The following PTBP3 variants were observed in gnomAD, a reference collection of about 807,000 sequenced individuals.
The protein encoded by PTBP3 is polypyrimidine tract-binding protein 3.
In PTBP3, 20 loss-of-function variants were observed where a neutral mutation model predicts 58.7. That is an observed-to-expected ratio of 0.34 (90% CI 0.24 to 0.50). PTBP3 has a LOEUF of 0.50. PTBP3 is among the 20% of genes least tolerant of loss of function. The pLI is 0.98. For missense variants in PTBP3, 509 were observed against 637.2 expected, an observed-to-expected ratio of 0.80 and a Z score of 2.17; for synonymous variants, 185 against 219.8, an observed-to-expected ratio of 0.84 and a Z score of 1.40.
chr9:112,361,624 T>C, the PTBP3 span, among the ~76,000 whole-genome samples: 3 of 152,246 alleles, frequency 2.0e-5, no homozygotes, highest in Admixed American at 6.5e-5. Context: ...TCAATTATTA[T>C]ATCACAATAT....
the PTBP3 span, among the ~76,000 whole-genome samples, chr9:112,348,183 G>A: frequency 6.6e-6 from 1 of 152,224 alleles, no homozygotes; most frequent in Non-Finnish European, 1.5e-5. Flanking sequence ...AGGCAGGCAT[G>A]AGCAGGGCAG....
chr9:112,228,555 C>G, intron 10 of PTBP3, 83 bp from the exon 11 acceptor site: 1 of 656,434 alleles, frequency 1.5e-6, no homozygotes, highest in Non-Finnish European at 2.2e-6. Context: ...TTAAAGAAGG[C>G]ATTTCTTACT....
chr9:112,378,958 G>A, the PTBP3 span, among the ~76,000 whole-genome samples: 1 of 152,154 alleles, frequency 6.6e-6, no homozygotes, highest in South Asian at 2.1e-4. Context: ...AGGCCGAGGC[G>A]GGCCAATCAT....
In PTBP3 at chr9:112,280,001, C is replaced by T. The variant is rs200213550; in HGVS notation, c.35-3988G>A. Among the ~76,000 whole-genome samples, 45 of 152,242 alleles carry T rather than the reference C, an allele frequency of 3.0e-4. 1 individual carries two copies. In the East Asian group the frequency reaches 7.3e-3, roughly 25 times the overall value. ...CTTGATCTTATATCCTACACCCTTG[C>T]TAAATTCTTTAGTATTTCTACATAC... On this transcript the variant is annotated intron_variant, in intron 2 of 13. Transcript: ENST00000374257.
At chr9:112,333,344 G>A (rs1830462197) in intron 1 of PTBP3, 126 bp downstream of exon 1, 7 of 1,173,022 alleles carry the variant, frequency 6.0e-6, no homozygotes, top group Non-Finnish European at 6.6e-6. Flanking sequence ...GTCGGGCTTG[G>A]CCGGGGCCGC....
At chr9:112,320,314 A>ATATATATATTTTTTT in intron 1 of PTBP3, among the ~76,000 whole-genome samples, 47 of 75,692 alleles carry the variant, frequency 6.2e-4, no homozygotes, top group Non-Finnish European at 8.5e-4. Context: ...ATATATATAT[A>ATATATATATTTTTTT]TTTTTTTTTA....
At chr9:112,322,705 C>T (rs1000115715) in intron 1 of PTBP3, among the ~76,000 whole-genome samples, 6 of 152,210 alleles carry the variant, frequency 3.9e-5, no homozygotes, top group Non-Finnish European at 5.9e-5. Context: ...AGAGACAAAA[C>T]AAGCATCAGG....
In PTBP3 at chr9:112,250,911, C is replaced by CA. The variant is rs765754133; in HGVS notation, c.802+17dup. The CA allele has an allele frequency of 2.0e-6, 3 of 1,474,842 alleles. No homozygotes were observed. Among genetic ancestry groups the CA allele is most frequent in the Admixed American group, 4.8e-5 (2 of 41,522 alleles). 91.4% of individuals were successfully genotyped at this position (1,474,842 alleles called of 1,614,324 possible). A position where few individuals can be genotyped will look rare whatever the true frequency, so the allele number is the denominator to read the frequency against. ...ACTTCAGAAAACTTGCTTTGTGACC[C>CA]AAAAAAGAACTACTCACCAAAAGCA... On this transcript the variant is annotated intron_variant, in intron 7 of 13. Transcript: ENST00000374257.
Position 112,262,599 on chromosome 9 carries a change from G to A in PTBP3, c.352C>T (p.Arg118Ter), listed in dbSNP as rs1457128141. The change falls in exon 5 of 14, where the codon CGA (arginine) becomes TGA (stop). Residue 118 changes from arginine to a stop codon, truncating the protein, a stop_gained and splice_region_variant. Transcript: ENST00000374257. LOFTEE classifies it high-confidence loss of function. ...ACAGCCTGCAGTGCAGCTTGGGCTC[G>A]CTATAGAACAACCCAAAATGAGAAC... ...LKTDNLPNQA[R>*]AQAALQAVSA... The A allele has an allele frequency of 1.9e-6, 3 of 1,558,876 alleles. No homozygotes were observed. The highest frequency in any genetic ancestry group is 2.6e-6 in the Non-Finnish European group (3 of 1,156,542).
intron 2 of PTBP3, among the ~76,000 whole-genome samples, chr9:112,282,982 G>C (rs1294036269): frequency 3.9e-5 from 6 of 152,180 alleles, no homozygotes. Flanking sequence ...ATAAGTGTTT[G>C]AGAGTTTCTC....
rs58593707 is a variant in PTBP3, at chr9:112,331,126, C to CACACA, written c.-52+2343_-52+2344insTGTGT. Among the ~76,000 whole-genome samples the CACACA allele has an allele frequency of 1.3e-3, 187 of 147,680 alleles. 3 individuals carry two copies. The East Asian group carries it at 0.015, about 12-fold the overall frequency. ...ACACACACACACACACACACACACA[C>CACACA]GAGAGACAGTTGGGATTTGAGGAGG... On this transcript the variant is annotated intron_variant, in intron 1 of 13. Transcript: ENST00000374257.
At chr9:112,277,882 G>GTAACATAACATAACATAACA (rs57476799) in intron 2 of PTBP3, among the ~76,000 whole-genome samples, 8 of 130,132 alleles carry the variant, frequency 6.1e-5, no homozygotes, top group East Asian at 2.3e-4. Flanking sequence ...TCAAAATAAC[G>GTAACATAACATAACATAACA]TAACATAACA....
rs1242970865 is a variant in PTBP3 at position 112,290,703 on chromosome 9, TATATAC to T, written c.34+7123_34+7128del. ...AAAAAAAAAAATATATATATATATA[TATATAC>T]ACACACACACACACACACACACACA... On this transcript the variant is annotated intron_variant, in intron 2 of 13. Transcript: ENST00000374257. 1.1e-3 allele frequency among the ~76,000 whole-genome samples: 72 copies of T among 64,588 alleles called. 1 individual carries two copies. Among genetic ancestry groups the T allele is most frequent in the African/African-American group, 6.1e-3 (69 of 11,246 alleles). The allele number at this position is 64,588 out of a possible 152,430, so 42.4% of individuals were successfully genotyped here.
At chr9:112,303,540 C>T (rs973643344) in intron 1 of PTBP3, among the ~76,000 whole-genome samples, 2 of 152,168 alleles carry the variant, frequency 1.3e-5, no homozygotes, top group Non-Finnish European at 2.9e-5. Flanking sequence ...TCTGCCTTGG[C>T]TAATCAATAC....
chr9:112,221,876 T>C lies in PTBP3; in HGVS notation c.*1975A>G, dbSNP rs538136025. On this transcript the variant is annotated 3_prime_UTR_variant, in exon 14 of 14. Coordinates refer to ENST00000374257, the MANE Select transcript of PTBP3 (RefSeq NM_001163788.4). ...ACCTCCCTATGTTCAAATTAATCAC[T>C]GGAATACAGCAAAGAGATTGAGATT... 1.5e-5 allele frequency: 15 copies of C among 983,318 alleles called. No individual in the cohort carries two copies. Among genetic ancestry groups the C allele is most frequent in the Middle Eastern group, 1.0e-3 (2 of 1,912 alleles). 60.9% of individuals were successfully genotyped at this position (983,318 alleles called of 1,614,324 possible).
chr9:112,223,889 G>A lies in PTBP3; in HGVS notation c.1537C>T (p.His513Tyr). The A allele has an allele frequency of 6.2e-7, 1 of 1,613,504 alleles. No individual in the cohort carries two copies. Among genetic ancestry groups the A allele is most frequent in the Non-Finnish European group, 8.5e-7 (1 of 1,179,586 alleles). The change falls in exon 14 of 14, where the codon CAC becomes TAC. Residue 513 changes from histidine (H) to tyrosine (Y), a missense_variant. This residue lies in a region of PTBP3 where 135 missense variants were observed against 229.0 expected (regional missense o/e 0.59). Transcript: ENST00000374257. ...TTTGAGAAGGAAACTCTGAGGTGGT[G>A]ATTTTCTCCAAGGTCATGGTTATGA... is the stretch of plus-strand genomic sequence containing the variant. The part of the protein sequence containing the change: ...ELHNHDLGEN[H>Y]HLRVSFSKST...
rs1017074815 is a variant in PTBP3, at chr9:112,218,898, A to T, written c.*4953T>A. Reference sequence around the variant, plus strand: ...AACATTCTTAAAAACTGAAAAGGGGAATTTTGATGAACAGACCACGTAAAA... The same window carrying T: ...AACATTCTTAAAAACTGAAAAGGGGTATTTTGATGAACAGACCACGTAAAA... On this transcript the variant is annotated 3_prime_UTR_variant, in exon 14 of 14. Coordinates refer to ENST00000374257, the MANE Select transcript of PTBP3 (RefSeq NM_001163788.4). 2 of 152,534 alleles carry T rather than the reference A, an allele frequency of 1.3e-5. No individual in the cohort carries two copies. The highest frequency in any genetic ancestry group is 4.8e-5 in the African/African-American group (2 of 41,554). 9.4% of individuals were successfully genotyped at this position (152,534 alleles called of 1,614,324 possible).
chr9:112,320,095 T>A (rs988141089), intron 1 of PTBP3, among the ~76,000 whole-genome samples: 1 of 151,722 alleles, frequency 6.6e-6, no homozygotes, highest in African/African-American at 2.4e-5. Flanking sequence ...ATCAATTGTT[T>A]AACATGGTGA....
chr9:112,312,550 C>G (rs900985630), intron 1 of PTBP3, among the ~76,000 whole-genome samples: 1 of 123,238 alleles, frequency 8.1e-6, no homozygotes, highest in Non-Finnish European at 1.6e-5. Context: ...TATAGAAAGA[C>G]TATATATGGA....
Sources: allele counts gnomAD v4.1 joint callset (sites outside exome capture counted in the v4.1 genomes callset), GRCh38; gene constraint gnomAD v4.1.1; regional missense constraint gnomAD v4.1.1; transcripts MANE v1.5; gene names NCBI Gene and HGNC (gene_info 2026-07-23, HGNC 2026-07-21).